Variants in AMBRA1 observed in about 807,000 individuals in gnomAD.
AMBRA1 encodes the protein autophagy and beclin 1 regulator 1.
A neutral mutation model predicts 125.4 loss-of-function variants in AMBRA1; 47 were observed. The observed-to-expected ratio is 0.37, with a 90% confidence interval of 0.30 to 0.48. The LOEUF is 0.48. AMBRA1 is among the 20% of genes least tolerant of loss of function. The probability of loss-of-function intolerance (pLI) is 0.99; values close to 1 mark genes in which losing one functional copy is unlikely to be tolerated. For missense variants in AMBRA1, 1,331 were observed against 1,693.4 expected, an observed-to-expected ratio of 0.79 and a Z score of 3.76; for synonymous variants, 626 against 655.5, an observed-to-expected ratio of 0.95 and a Z score of 0.69.
chr11:46,425,042 G>C (rs893516235), intron 14 of AMBRA1, among the ~76,000 whole-genome samples: 2 of 152,208 alleles, frequency 1.3e-5, no homozygotes, highest in African/African-American at 4.8e-5. Context: ...GCTGAGGCAG[G>C]AGAATTGCTT....
intron 11 of AMBRA1, among the ~76,000 whole-genome samples, chr11:46,457,259 CT>C (rs1195462063): frequency 3.3e-5 from 5 of 152,148 alleles, no homozygotes; most frequent in African/African-American, 1.2e-4. Context: ...TGTCAGTCCA[CT>C]GCAATCACTG....
At chr11:46,504,160 A>G (rs926312658) in intron 9 of AMBRA1, among the ~76,000 whole-genome samples, 11 of 152,216 alleles carry the variant, frequency 7.2e-5, no homozygotes, top group Non-Finnish European at 1.6e-4. Context: ...GCAGCTATAA[A>G]AAGAGGCAGG....
At chr11:46,404,153 T>C (rs903818613) in intron 17 of AMBRA1, among the ~76,000 whole-genome samples, 1 of 152,192 alleles carries the variant, frequency 6.6e-6, no homozygotes, top group Non-Finnish European at 1.5e-5. Context: ...CGTGTCACTG[T>C]ACTCCAGCCT....
rs566034601 is a variant in AMBRA1, at chr11:46,516,044, CTTT to C, written c.2073-3234_2073-3232del. On this transcript the variant is annotated intron_variant, in intron 7 of 17. Coordinates refer to ENST00000683756, the MANE Select transcript of AMBRA1 (RefSeq NM_001387011.1). ...CTTCCTACCTTAATTAGGAAGACTT[CTTT>C]AAGTTGGAATAGACCCAAAATATGA... Among the ~76,000 whole-genome samples, 574 of 152,288 alleles carry C rather than the reference CTTT, an allele frequency of 3.8e-3. 7 individuals are homozygous for C. Among genetic ancestry groups the C allele is most frequent in the Middle Eastern group, 0.024 (7 of 294 alleles).
chr11:46,545,520 CT>C (rs1035346568), intron 5 of AMBRA1, 83 bp downstream of exon 5: 85 of 1,505,764 alleles, frequency 5.6e-5, no homozygotes, highest in Non-Finnish European at 7.4e-5. Context: ...GGATAACAAC[CT>C]GACTTCCAAG....
At chr11:46,591,000 C>T (rs908680213) in intron 1 of AMBRA1, 3 of 152,096 alleles carry the variant, frequency 2.0e-5, no homozygotes, top group Non-Finnish European at 4.4e-5. Context: ...AGTTGATAAG[C>T]TCTATCCCTG....
At chr11:46,565,467 G>A (rs1269990958) in intron 1 of AMBRA1, among the ~76,000 whole-genome samples, 2 of 151,948 alleles carry the variant, frequency 1.3e-5, no homozygotes, top group African/African-American at 4.8e-5. Flanking sequence ...AGCACTTTGG[G>A]AAGGTGAGGT....
intron 1 of AMBRA1, among the ~76,000 whole-genome samples, chr11:46,593,522 G>A (rs898250779): frequency 5.3e-5 from 8 of 152,240 alleles, no homozygotes; most frequent in African/African-American, 7.2e-5. Context: ...AGGAAGGAGG[G>A]TCAAAGTGCG....
In AMBRA1 at chr11:46,397,731, G is replaced by A. The variant is rs1226463571; in HGVS notation, c.3616C>T (p.Pro1206Ser). The A allele has an allele frequency of 6.2e-7, 1 of 1,613,014 alleles. No individual in the cohort carries two copies. The highest frequency in any genetic ancestry group is 2.2e-5 in the East Asian group (1 of 44,884). ...AGTCCCCGAGAGGTGGAGGGCTGGGGTGAGGAGGTGTGGGCGGCACCAGGT... is the reference window on the plus strand; with the variant it reads ...AGTCCCCGAGAGGTGGAGGGCTGGGATGAGGAGGTGTGGGCGGCACCAGGT... ...TEPGAAHTSS[P>S]QPSTSRGLLP... Residue 1206 changes from proline to serine, a missense_variant, in exon 18 of 18, where the codon CCC becomes TCC. Transcript: ENST00000683756.
chr11:46,555,761 T>G (rs2043140793), intron 1 of AMBRA1, among the ~76,000 whole-genome samples: 1 of 152,256 alleles, frequency 6.6e-6, no homozygotes, highest in South Asian at 2.1e-4. Flanking sequence ...GAACCAACAA[T>G]TTATAGCTGT....
At chr11:46,552,396 AAAAAAAAAAG>A (rs2043031948) in intron 1 of AMBRA1, among the ~76,000 whole-genome samples, 1 of 135,446 alleles carries the variant, frequency 7.4e-6, no homozygotes, top group African/African-American at 2.8e-5. Context: ...AAAAAAAAAA[AAAAAAAAAAG>A]GCCAGGCACG....
At chr11:46,414,855 A>G (rs1361854732) in intron 15 of AMBRA1, among the ~76,000 whole-genome samples, 1 of 152,168 alleles carries the variant, frequency 6.6e-6, no homozygotes, top group East Asian at 1.9e-4. Flanking sequence ...GGAGAGATGG[A>G]GGATTTTTGA....
rs186730761 is a variant in AMBRA1, at chr11:46,449,876, T to C, written c.2522-6278A>G. 6.4e-3 allele frequency among the ~76,000 whole-genome samples: 979 copies of C among 152,182 alleles called. 4 individuals are homozygous for C. Among genetic ancestry groups the C allele is most frequent in the Non-Finnish European group, 0.011 (752 of 68,022 alleles). On this transcript the variant is annotated intron_variant, in intron 11 of 17. Coordinates refer to ENST00000683756, the MANE Select transcript of AMBRA1 (RefSeq NM_001387011.1). ...GAGTTTAAGACCAGCCTGACCAACA[T>C]AGTGAAATCCCATCTCTACTAAAAA...
intron 2 of AMBRA1, 53 bp downstream of exon 2, chr11:46,548,193 C>T: frequency 6.2e-7 from 1 of 1,610,946 alleles, no homozygotes; most frequent in Admixed American, 1.7e-5. Flanking sequence ...TCTAAGGTCT[C>T]ATTCTACCAT....
intron 1 of AMBRA1, among the ~76,000 whole-genome samples, chr11:46,585,686 AAAAAAAAAAATATATATAT>A (rs2044352894): frequency 3.1e-5 from 2 of 64,288 alleles, no homozygotes; most frequent in Non-Finnish European, 6.7e-5. Flanking sequence ...AAAAAAAAAA[AAAAAAAAAAATATATATAT>A]ATATATATAT....
At chr11:46,511,236 C>A (rs1287315853) in intron 8 of AMBRA1, among the ~76,000 whole-genome samples, 1 of 152,174 alleles carries the variant, frequency 6.6e-6, no homozygotes, top group African/African-American at 2.4e-5. Context: ...TGAAAAATTC[C>A]TTTCCCTTAT....
At chr11:46,500,741 G>A (rs1356952493) in intron 9 of AMBRA1, among the ~76,000 whole-genome samples, 2 of 151,882 alleles carry the variant, frequency 1.3e-5, no homozygotes, top group African/African-American at 2.4e-5. Context: ...GAATCTCCTC[G>A]CTATACCCAT....
At chr11:46,532,420 A>G (rs1258697815) in intron 7 of AMBRA1, among the ~76,000 whole-genome samples, 1 of 152,168 alleles carries the variant, frequency 6.6e-6, no homozygotes, top group Non-Finnish European at 1.5e-5. Context: ...TAAGCTTAAG[A>G]GCTTATGGGG....
chr11:46,418,795 T>TA (rs1331091239), intron 14 of AMBRA1, among the ~76,000 whole-genome samples: 1 of 152,202 alleles, frequency 6.6e-6, no homozygotes, highest in Non-Finnish European at 1.5e-5. Flanking sequence ...GCGCTCTCCT[T>TA]AGAGCCTTTT....
Sources: allele counts gnomAD v4.1 joint callset (sites outside exome capture counted in the v4.1 genomes callset), GRCh38; gene constraint gnomAD v4.1.1; transcripts MANE v1.5; gene names NCBI Gene and HGNC (gene_info 2026-07-23, HGNC 2026-07-21).